EFCAB8: variants seen among roughly 807,000 people sequenced by gnomAD.
EFCAB8 encodes EF-hand calcium binding domain 8.
EFCAB8 carries 100 observed loss-of-function variants against 116.3 expected under a neutral mutation model. The observed-to-expected ratio is 0.86, with a 90% CI of 0.73 to 1.02. The LOEUF (loss-of-function observed/expected upper bound fraction) is 1.02. Ranked by LOEUF, EFCAB8 falls within the 50% of genes least tolerant of loss-of-function variation. The probability of loss-of-function intolerance (pLI) is 0.00; values close to 1 mark genes in which losing one functional copy is unlikely to be tolerated. For missense variants in EFCAB8, 1,320 were observed against 1,416.9 expected, an observed-to-expected ratio of 0.93 and a Z score of 1.10; for synonymous variants, 558 against 567.9, an observed-to-expected ratio of 0.98 and a Z score of 0.25.
intron 24 of EFCAB8, among the ~76,000 whole-genome samples, chr20:32,958,876 T>C (rs1000724133): frequency 2.6e-5 from 4 of 152,188 alleles, no homozygotes; most frequent in Admixed American, 2.6e-4. Context: ...GCAGAGATCA[T>C]TGCTGCATGG....
intron 1 of EFCAB8, among the ~76,000 whole-genome samples, chr20:32,862,283 A>G (rs768054491): frequency 5.3e-5 from 8 of 151,974 alleles, no homozygotes; most frequent in Non-Finnish European, 1.2e-4. Context: ...GGCATGTGCC[A>G]CCACACCTGG....
chr20:32,904,201 C>T (rs1377758728), intron 11 of EFCAB8, among the ~76,000 whole-genome samples: 1 of 151,376 alleles, frequency 6.6e-6, no homozygotes, highest in Admixed American at 6.6e-5. Flanking sequence ...CTGTGTTGCC[C>T]AGGCTGGTCT....
Position 32,930,422 on chromosome 20 carries a change from C to G in EFCAB8, c.2437C>G (p.Arg813Gly). ...EKIIFLQTRP[R>G]LPHTAALLSS... ...GATAATCTTCCTGCAGACCAGGCCT[C>G]GCCTGCCGCACACGGCTGCCCTGCT... Residue 813 changes from arginine to glycine, a missense_variant, in exon 21 of 27, where the codon CGC (arginine) becomes GGC (glycine). Coordinates refer to ENST00000400522, the MANE Select transcript of EFCAB8 (RefSeq NM_001143967.2). 2 of 1,551,350 alleles carry G rather than the reference C, an allele frequency of 1.3e-6. No homozygotes were observed. Among genetic ancestry groups the G allele is most frequent in the Non-Finnish European group, 1.7e-6 (2 of 1,147,002 alleles).
chr20:32,866,229 A>G (rs1392510807), intron 2 of EFCAB8, among the ~76,000 whole-genome samples: 1 of 152,216 alleles, frequency 6.6e-6, no homozygotes, highest in Admixed American at 6.5e-5. Context: ...GAGGATGAGC[A>G]CATTTGCTCT....
intron 11 of EFCAB8, among the ~76,000 whole-genome samples, chr20:32,902,342 G>A (rs1304613597): frequency 6.6e-6 from 1 of 152,104 alleles, no homozygotes; most frequent in Non-Finnish European, 1.5e-5. Flanking sequence ...GACTGGAGAT[G>A]TATTTTTGGG....
At chr20:32,910,384 G>A (rs181471649) in intron 15 of EFCAB8, among the ~76,000 whole-genome samples, 8 of 152,296 alleles carry the variant, frequency 5.3e-5, no homozygotes, top group East Asian at 3.9e-4. Context: ...TTGGTCCTGC[G>A]TGGAGTCTCT....
At chr20:32,911,793 TG>T in intron 16 of EFCAB8, 86 bp downstream of exon 16, 1 of 1,319,864 alleles carries the variant, frequency 7.6e-7, no homozygotes. Context: ...CACTATTTTT[TG>T]TACCTCTCTG....
chr20:32,903,495 G>T (rs12480689), intron 11 of EFCAB8: 1 of 152,142 alleles, frequency 6.6e-6, no homozygotes. Flanking sequence ...CTGTGCCCCT[G>T]GTAATCCTGG....
At chr20:32,942,001 A>G (rs1988424791) in intron 22 of EFCAB8, among the ~76,000 whole-genome samples, 1 of 152,218 alleles carries the variant, frequency 6.6e-6, no homozygotes, top group Admixed American at 6.5e-5. Flanking sequence ...GTAAAAGAAC[A>G]TAAGTCACTT....
chr20:32,949,160 A>T (rs999484675), intron 23 of EFCAB8, among the ~76,000 whole-genome samples: 6 of 152,232 alleles, frequency 3.9e-5, no homozygotes, highest in Non-Finnish European at 4.4e-5. Context: ...AATCAATTGT[A>T]TTTCTATATA....
intron 6 of EFCAB8, among the ~76,000 whole-genome samples, chr20:32,887,120 G>A (rs1422394229): frequency 6.6e-6 from 1 of 152,172 alleles, no homozygotes; most frequent in African/African-American, 2.4e-5. Context: ...TGCTCTCTGA[G>A]TTCTGATGGA....
chr20:32,932,285 A>G (rs1483401304), intron 22 of EFCAB8, among the ~76,000 whole-genome samples: 2 of 152,050 alleles, frequency 1.3e-5, no homozygotes, highest in African/African-American at 4.8e-5. Context: ...GCTGAGGCAC[A>G]AGAATCACTT....
At chr20:32,871,720 C>T (rs1984691631) in intron 3 of EFCAB8, among the ~76,000 whole-genome samples, 1 of 152,144 alleles carries the variant, frequency 6.6e-6, no homozygotes, top group Admixed American at 6.5e-5. Context: ...TGAGTGCGGG[C>T]TCCATACCGT....
intron 22 of EFCAB8, among the ~76,000 whole-genome samples, chr20:32,937,432 A>C (rs1181455727): frequency 6.6e-6 from 1 of 152,236 alleles, no homozygotes; most frequent in Non-Finnish European, 1.5e-5. Flanking sequence ...CAAAAAATAA[A>C]AGAAAATGGA....
At chr20:32,953,449 G>A (rs1988860794) in intron 23 of EFCAB8, among the ~76,000 whole-genome samples, 1 of 152,128 alleles carries the variant, frequency 6.6e-6, no homozygotes, top group Admixed American at 6.5e-5. Context: ...CACCAAACAT[G>A]CACAAGGGTT....
intron 22 of EFCAB8, among the ~76,000 whole-genome samples, chr20:32,933,928 G>A (rs1428556783): frequency 6.6e-6 from 1 of 152,196 alleles, no homozygotes; most frequent in Non-Finnish European, 1.5e-5. Flanking sequence ...AGTGAGCCGA[G>A]GTTGCGCCAC....
intron 9 of EFCAB8, among the ~76,000 whole-genome samples, chr20:32,895,313 ATTTTT>A (rs11353110): frequency 7.8e-6 from 1 of 127,722 alleles, no homozygotes; most frequent in Non-Finnish European, 1.6e-5. Flanking sequence ...TTTATTTAAG[ATTTTT>A]TTTTTTTTTT....
chr20:32,874,815 C>T (rs906438459), intron 3 of EFCAB8, among the ~76,000 whole-genome samples: 4 of 152,016 alleles, frequency 2.6e-5, no homozygotes, highest in Middle Eastern at 3.4e-3. Flanking sequence ...GGTGTGATCT[C>T]GGCTCACTGC....
At chr20:32,878,508 CTT>C (rs1292839813) in intron 4 of EFCAB8, among the ~76,000 whole-genome samples, 194 bp from the exon 5 acceptor site, 3 of 116,626 alleles carry the variant, frequency 2.6e-5, no homozygotes, top group African/African-American at 3.1e-5. Context: ...GGCTTGAGTT[CTT>C]TTTTTTTTTT....
Sources: allele counts gnomAD v4.1 joint callset (sites outside exome capture counted in the v4.1 genomes callset), GRCh38; gene constraint gnomAD v4.1.1; transcripts MANE v1.5; gene names NCBI Gene and HGNC (gene_info 2026-07-23, HGNC 2026-07-21).